The following CFAP418 variants were observed in gnomAD, a reference collection of about 807,000 sequenced individuals.
CFAP418 encodes the protein cilia and flagella associated protein 418, also known as cilia- and flagella-associated protein 418.
A neutral mutation model predicts 24.7 loss-of-function variants in CFAP418; 27 were observed. That is an observed-to-expected ratio of 1.09 (90% CI 0.81 to 1.51). The LOEUF is 1.51. Among genes scored for constraint, CFAP418 ranks in the 40% most tolerant of loss-of-function variants. CFAP418 has a pLI of 0.00. For synonymous variants in CFAP418, 74 were observed against 87.3 expected, an observed-to-expected ratio of 0.85 and a Z score of 0.85; for missense variants, 257 against 255.2, an observed-to-expected ratio of 1.01 and a Z score of -0.05.
In CFAP418 at chr8:95,259,739, A is replaced by C. The variant is rs568288921; in HGVS notation, c.374+101T>G. 5.5e-5 allele frequency: 48 copies of C among 866,208 alleles called. No individual in the cohort carries two copies. The African/African-American group carries it at 7.9e-4, about 14-fold the overall frequency. 53.7% of individuals were successfully genotyped at this position (866,208 alleles called of 1,614,324 possible). A position where few individuals can be genotyped will look rare whatever the true frequency, so the allele number is the denominator to read the frequency against. Reference sequence around the variant, plus strand: ...TTAGCTAATAAAAATACCTCTCCTTATAAAACAGATTGATGTGAAGATGAT... The same window carrying C: ...TTAGCTAATAAAAATACCTCTCCTTCTAAAACAGATTGATGTGAAGATGAT... On this transcript the variant is annotated intron_variant, in intron 4 of 5. Transcript: ENST00000286688.
chr8:95,251,883 C>T (rs1466458783), intron 5 of CFAP418, among the ~76,000 whole-genome samples: 1 of 152,194 alleles, frequency 6.6e-6, no homozygotes, highest in Non-Finnish European at 1.5e-5. Context: ...CAAACCTCTA[C>T]AGCATGTTAC....
At chr8:95,262,007 G>A (rs954650999) in intron 2 of CFAP418, among the ~76,000 whole-genome samples, 4 of 152,220 alleles carry the variant, frequency 2.6e-5, no homozygotes, top group Admixed American at 2.0e-4. Context: ...TCTATTTGCA[G>A]GGTACAGGTG....
chr8:95,246,051 C>T lies in CFAP418; in HGVS notation c.*1566G>A, dbSNP rs1420405215. The T allele has an allele frequency of 3.3e-5, 5 of 151,662 alleles. No individual in the cohort carries two copies. The highest frequency in any genetic ancestry group is 1.3e-4 in the Admixed American group (2 of 15,222). The allele number at this position is 151,662 out of a possible 1,614,324, so 9.4% of individuals were successfully genotyped here. ...TTGTCCAGGCTGGAGCGCAGTGGCG[C>T]GACCTTGGCTCACTACAACCTCTGC... On this transcript the variant is annotated 3_prime_UTR_variant, in exon 6 of 6. Transcript: ENST00000286688.
chr8:95,251,894 T>C (rs150368377), intron 5 of CFAP418, among the ~76,000 whole-genome samples: 8 of 152,240 alleles, frequency 5.3e-5, no homozygotes, highest in Non-Finnish European at 1.2e-4. Context: ...AGCATGTTAC[T>C]GTTTATACCA....
chr8:95,258,690 A>C (rs561105674), intron 4 of CFAP418, among the ~76,000 whole-genome samples: 1 of 152,272 alleles, frequency 6.6e-6, no homozygotes, highest in African/African-American at 2.4e-5. Flanking sequence ...ACTCAGAGCA[A>C]CTTCCAGTCC....
At chr8:95,260,936 G>A (rs1349636428) in intron 2 of CFAP418, among the ~76,000 whole-genome samples, 4 of 152,178 alleles carry the variant, frequency 2.6e-5, no homozygotes, top group Non-Finnish European at 4.4e-5. Context: ...GGCTGTGAAT[G>A]TGCGTCATAT....
At chr8:95,256,975 T>C (rs1811801082) in intron 4 of CFAP418, among the ~76,000 whole-genome samples, 1 of 152,172 alleles carries the variant, frequency 6.6e-6, no homozygotes, top group Non-Finnish European at 1.5e-5. Flanking sequence ...GTAAAGCAAA[T>C]AGTGAGTTTA....
chr8:95,269,083 C>T lies in CFAP418; in HGVS notation c.107G>A (p.Gly36Asp). 6 of 1,614,154 alleles carry T rather than the reference C, an allele frequency of 3.7e-6. No homozygotes were observed. Among genetic ancestry groups the T allele is most frequent in the Non-Finnish European group, 5.1e-6 (6 of 1,180,012 alleles). Residue 36 changes from glycine (G) to aspartate (D), a missense_variant, in exon 1 of 6, where the codon GGC (glycine) becomes GAC (aspartate). Physicochemically the swap from Gly to Asp is moderately conservative, Grantham distance 94. Coordinates refer to ENST00000286688, the MANE Select transcript of CFAP418 (RefSeq NM_177965.4). ...TTGGTTCCGGTCGCTACTGTGGGTG[C>T]CGCCGCCGCAGCCTTTGGGCTGCTC... ...MVEQPKGCGGGTHSSDRNQAK... is the reference protein window; with the variant it reads ...MVEQPKGCGGDTHSSDRNQAK...
chr8:95,263,005 A>G (rs1484629674), intron 2 of CFAP418, among the ~76,000 whole-genome samples: 1 of 152,236 alleles, frequency 6.6e-6, no homozygotes, highest in Admixed American at 6.5e-5. Context: ...GGTTATGTAC[A>G]TATGTAATGA....
chr8:95,259,948 A>C (rs746089648), intron 3 of CFAP418, 43 bp from the exon 4 acceptor site: 3 of 1,497,120 alleles, frequency 2.0e-6, no homozygotes, highest in Non-Finnish European at 2.7e-6. Context: ...GTTATAACAA[A>C]AAATAGGAGA....
chr8:95,260,524 TTTTAA>T lies in CFAP418; in HGVS notation c.247_251del (p.Leu83IlefsTer2). On this transcript the variant is annotated frameshift_variant, in exon 3 of 6. Transcript: ENST00000286688. LOFTEE classifies it high-confidence loss of function. ...CAGATGTGTTACCTGAAGATTTAGA[TTTTAA>T]TTTCTGTTAAAAAAGCAAAACAATA... 6.3e-7 allele frequency: 1 copy of T among 1,580,506 alleles called. No homozygotes were observed. Among genetic ancestry groups the T allele is most frequent in the Non-Finnish European group, 8.6e-7 (1 of 1,168,932 alleles).
rs1811630795 is a variant in CFAP418, at chr8:95,246,961, T to G, written c.*656A>C. 6.6e-6 allele frequency: 1 copy of G among 152,216 alleles called. No homozygotes were observed. The highest frequency in any genetic ancestry group is 2.1e-4 in the South Asian group (1 of 4,832). The allele number at this position is 152,216 out of a possible 1,614,324, so 9.4% of individuals were successfully genotyped here. A position where few individuals can be genotyped will look rare whatever the true frequency, so the allele number is the denominator to read the frequency against. ...ATTATTGGGTAATCAAAATAGAAAATAACTTTTGATAGTTAAATGAACAAA... is the reference window on the plus strand; with the variant it reads ...ATTATTGGGTAATCAAAATAGAAAAGAACTTTTGATAGTTAAATGAACAAA... On this transcript the variant is annotated 3_prime_UTR_variant, in exon 6 of 6. Coordinates refer to ENST00000286688, the MANE Select transcript of CFAP418 (RefSeq NM_177965.4).
chr8:95,247,613 ATTC>A lies in CFAP418; in HGVS notation c.*1_*3del. On this transcript the variant is annotated 3_prime_UTR_variant, in exon 6 of 6. Transcript: ENST00000286688. ...GCATCTGTCCGAATGTGCAGTCTGC[ATTC>A]TTAATGTTTACCACAAACCCAGCGA... 6.2e-7 allele frequency: 1 copy of A among 1,614,160 alleles called. No homozygotes were observed. Among genetic ancestry groups the A allele is most frequent in the South Asian group, 1.1e-5 (1 of 91,088 alleles).
At chr8:95,248,096 C>A (rs994412954) in intron 5 of CFAP418, among the ~76,000 whole-genome samples, 1 of 152,096 alleles carries the variant, frequency 6.6e-6, no homozygotes, top group African/African-American at 2.4e-5. Flanking sequence ...TCCACCTCAG[C>A]CTCCCAAAGT....
chr8:95,252,062 C>G (rs1587350173), intron 5 of CFAP418, 126 bp downstream of exon 5: 2 of 660,130 alleles, frequency 3.0e-6, no homozygotes, highest in East Asian at 5.3e-5. Flanking sequence ...CATAACGCAG[C>G]ACATGACTAT....
chr8:95,252,104 G>C (rs1440246487), intron 5 of CFAP418, 84 bp downstream of exon 5: 16 of 1,042,088 alleles, frequency 1.5e-5, no homozygotes, highest in South Asian at 8.7e-5. Flanking sequence ...AGATCTGGCT[G>C]AATCCACCCA....
chr8:95,257,446 C>A (rs1371032570), intron 4 of CFAP418, among the ~76,000 whole-genome samples: 1 of 152,178 alleles, frequency 6.6e-6, no homozygotes, highest in African/African-American at 2.4e-5. Flanking sequence ...TGTCCTATAG[C>A]CCTACCTTCT....
rs1587346762 is a variant in CFAP418 at position 95,246,166 on chromosome 8, T to C, written c.*1451A>G. On this transcript the variant is annotated 3_prime_UTR_variant, in exon 6 of 6. Coordinates refer to ENST00000286688, the MANE Select transcript of CFAP418 (RefSeq NM_177965.4). ...ACCGCGCCCAGCTAATTTTTGTATT[T>C]TTAGTAGAGATGGTGTTTTATCATG... is the stretch of plus-strand genomic sequence containing the variant. The C allele has an allele frequency of 6.6e-6, 1 of 152,214 alleles. No homozygotes were observed. Among genetic ancestry groups the C allele is most frequent in the East Asian group, 1.9e-4 (1 of 5,178 alleles). The allele number at this position is 152,214 out of a possible 1,614,324, so 9.4% of individuals were successfully genotyped here.
At chr8:95,262,223 C>T (rs1563473892) in intron 2 of CFAP418, among the ~76,000 whole-genome samples, 1 of 152,164 alleles carries the variant, frequency 6.6e-6, no homozygotes, top group Non-Finnish European at 1.5e-5. Flanking sequence ...TGGAACCAAT[C>T]CCTTGAGTAT....
Sources: allele counts gnomAD v4.1 joint callset (sites outside exome capture counted in the v4.1 genomes callset), GRCh38; gene constraint gnomAD v4.1.1; transcripts MANE v1.5; gene names NCBI Gene and HGNC (gene_info 2026-07-23, HGNC 2026-07-21).